Variants in KCNQ5 observed in about 807,000 individuals in gnomAD.
The protein encoded by KCNQ5 is potassium voltage-gated channel subfamily Q member 5.
In KCNQ5, 30 loss-of-function variants were observed where a neutral mutation model predicts 98.2. The ratio of observed to expected loss-of-function variants is 0.31; its 90% CI spans 0.23 to 0.41. The LOEUF (loss-of-function observed/expected upper bound fraction) is 0.41, where lower values mean the gene tolerates loss of function less well. KCNQ5 is among the 10% of genes least tolerant of loss of function. The probability of loss-of-function intolerance (pLI) is 1.00; values close to 1 mark genes in which losing one functional copy is unlikely to be tolerated. For synonymous variants in KCNQ5, 458 were observed against 449.4 expected (o/e 1.02, Z -0.24); for missense variants, 835 against 1,182.5 (o/e 0.71, Z 4.31).
intron 7 of KCNQ5, among the ~76,000 whole-genome samples, chr6:73,117,216 G>A (rs1399797327): frequency 1.3e-5 from 2 of 152,158 alleles, no homozygotes; most frequent in African/African-American, 4.8e-5. Context: ...TGGATCACAG[G>A]GATGTGGGTT....
rs560500896 is a variant in KCNQ5 at position 72,742,724 on chromosome 6, G to A, written c.398+120137G>A. 2.0e-5 allele frequency among the ~76,000 whole-genome samples: 3 copies of A among 152,284 alleles called. No individual in the cohort carries two copies. The South Asian group carries it at 6.2e-4, about 32-fold the overall frequency. Reference sequence around the variant, plus strand: ...GACAGGTAAGATGAGTTTGGATACTGCAGGGTCGTTCAGAAACAAGCAGCA... The same window carrying A: ...GACAGGTAAGATGAGTTTGGATACTACAGGGTCGTTCAGAAACAAGCAGCA... On this transcript the variant is annotated intron_variant, in intron 1 of 13. Coordinates refer to ENST00000370398, the MANE Select transcript of KCNQ5 (RefSeq NM_019842.4).
intron 1 of KCNQ5, among the ~76,000 whole-genome samples, chr6:72,970,249 A>AC (rs932977744): frequency 9.8e-4 from 149 of 152,256 alleles, no homozygotes; most frequent in African/African-American, 3.5e-3. Flanking sequence ...ACAGAGCAAG[A>AC]CCCCATCTCT....
chr6:73,146,626 C>CAA (rs58798764), intron 10 of KCNQ5, among the ~76,000 whole-genome samples: 1,552 of 28,438 alleles, frequency 0.055, 154 homozygotes, highest in Non-Finnish European at 0.077. Flanking sequence ...GTCCCTGTCT[C>CAA]AAAAAAAAAA....
intron 1 of KCNQ5, among the ~76,000 whole-genome samples, chr6:73,003,462 A>G (rs1484180115): frequency 1.3e-5 from 2 of 152,210 alleles, no homozygotes; most frequent in African/African-American, 4.8e-5. Flanking sequence ...CTGAGTAACA[A>G]CCAATTAGGA....
intron 12 of KCNQ5, among the ~76,000 whole-genome samples, chr6:73,191,860 T>C (rs1765602658): frequency 6.6e-6 from 1 of 152,178 alleles, no homozygotes; most frequent in Non-Finnish European, 1.5e-5. Context: ...GTCTATACTC[T>C]TGATAATTCA....
At chr6:73,164,385 C>A (rs1189502031) in intron 10 of KCNQ5, among the ~76,000 whole-genome samples, 1 of 152,152 alleles carries the variant, frequency 6.6e-6, no homozygotes, top group African/African-American at 2.4e-5. Context: ...CAAAAAAAAG[C>A]AGAATTGAGT....
intron 1 of KCNQ5, among the ~76,000 whole-genome samples, chr6:72,632,423 G>A (rs2098921476): frequency 6.6e-6 from 1 of 151,958 alleles, no homozygotes; most frequent in South Asian, 2.1e-4. Context: ...TTACAGGCGT[G>A]AGCCACCGCG....
intron 1 of KCNQ5, among the ~76,000 whole-genome samples, chr6:72,968,983 G>A (rs1416571705): frequency 2.0e-5 from 3 of 152,126 alleles, no homozygotes; most frequent in African/African-American, 7.2e-5. Context: ...TGAAACTAAG[G>A]AGTTGAGGAA....
intron 1 of KCNQ5, among the ~76,000 whole-genome samples, chr6:72,981,107 G>T (rs1191985073): frequency 1.3e-5 from 2 of 152,162 alleles, no homozygotes; most frequent in Non-Finnish European, 2.9e-5. Flanking sequence ...CGGGATATTG[G>T]TCTAAAATTC....
intron 9 of KCNQ5, among the ~76,000 whole-genome samples, chr6:73,129,619 A>G (rs1776138558): frequency 6.6e-6 from 1 of 152,230 alleles, no homozygotes; most frequent in South Asian, 2.1e-4. Flanking sequence ...AGATCACTGG[A>G]TATCTTTCAA....
chr6:72,848,120 T>C (rs1777092650), intron 1 of KCNQ5, among the ~76,000 whole-genome samples: 1 of 152,058 alleles, frequency 6.6e-6, no homozygotes, highest in Non-Finnish European at 1.5e-5. Flanking sequence ...CTGTGGTATT[T>C]CCTAAGCACT....
chr6:72,904,284 G>A (rs926562435), intron 1 of KCNQ5, among the ~76,000 whole-genome samples: 5 of 152,236 alleles, frequency 3.3e-5, no homozygotes, highest in South Asian at 2.1e-4. Context: ...GCAGATAGTT[G>A]GTTGGTGAAT....
chr6:73,099,636 T>C (rs1410802057), intron 5 of KCNQ5, among the ~76,000 whole-genome samples: 2 of 152,120 alleles, frequency 1.3e-5, no homozygotes, highest in Non-Finnish European at 1.5e-5. Context: ...ATATAACAAC[T>C]ATAAATATAT....
rs77270562 is a variant in KCNQ5 at position 72,892,089 on chromosome 6, C to T, written c.399-111819C>T. Among the ~76,000 whole-genome samples, 871 of 152,192 alleles carry T rather than the reference C, an allele frequency of 5.7e-3. 11 individuals carry two copies. The highest frequency in any genetic ancestry group is 0.021 in the East Asian group (107 of 5,182). ...TCATTTGCATTAGCTATATATACACCATCACAGAATGATGGACAAAGATTT... is the reference window on the plus strand; with the variant it reads ...TCATTTGCATTAGCTATATATACACTATCACAGAATGATGGACAAAGATTT... On this transcript the variant is annotated intron_variant, in intron 1 of 13. Transcript: ENST00000370398.
intron 7 of KCNQ5, among the ~76,000 whole-genome samples, chr6:73,114,367 A>G (rs1216703432): frequency 1.3e-5 from 2 of 152,216 alleles, no homozygotes; most frequent in Admixed American, 1.3e-4. Flanking sequence ...GAGATGCCCA[A>G]ATTGCTTCAT....
chr6:73,085,153 A>C (rs1298612565), intron 5 of KCNQ5, among the ~76,000 whole-genome samples: 3 of 152,214 alleles, frequency 2.0e-5, no homozygotes, highest in Non-Finnish European at 2.9e-5. Flanking sequence ...TTGACTTAAA[A>C]TGTCAAAGCC....
chr6:73,056,651 T>C (rs1175803537), intron 3 of KCNQ5, among the ~76,000 whole-genome samples: 1 of 152,198 alleles, frequency 6.6e-6, no homozygotes, highest in Non-Finnish European at 1.5e-5. Context: ...TTTCACTGAT[T>C]TCTGAATCAT....
chr6:73,161,485 C>A (rs1777613253), intron 10 of KCNQ5, among the ~76,000 whole-genome samples: 1 of 152,040 alleles, frequency 6.6e-6, no homozygotes, highest in African/African-American at 2.4e-5. Context: ...ATGTTTCTAG[C>A]ATAAAGAAAA....
intron 11 of KCNQ5, among the ~76,000 whole-genome samples, chr6:73,178,109 T>TTTA (rs1020351989): frequency 6.6e-6 from 1 of 151,406 alleles, no homozygotes; most frequent in African/African-American, 2.4e-5. Flanking sequence ...CACACTTTAT[T>TTTA]ATTTGGTTTT....
Sources: gnomAD v4.1 joint callset for allele counts (sites outside exome capture counted in the v4.1 genomes callset) on GRCh38, gnomAD v4.1.1 for gene constraint, MANE v1.5 for transcripts, NCBI Gene and HGNC (gene_info 2026-07-23, HGNC 2026-07-21) for gene names.